MARK3: variants seen among roughly 807,000 people sequenced by gnomAD.
The protein encoded by MARK3 is microtubule affinity regulating kinase 3.
MARK3 carries 46 observed loss-of-function variants against 90.1 expected under a neutral mutation model. That is an observed-to-expected ratio of 0.51 (90% CI 0.40 to 0.65). The LOEUF is 0.65. MARK3 is among the 30% of genes least tolerant of loss of function. The pLI is 0.00. For synonymous variants in MARK3, 321 were observed against 332.6 expected (o/e 0.97, Z 0.38); for missense variants, 818 against 947.2 (o/e 0.86, Z 1.79).
chr14:103,496,864 A>T (rs2075370582), intron 15 of MARK3, among the ~76,000 whole-genome samples: 1 of 151,166 alleles, frequency 6.6e-6, no homozygotes, highest in Non-Finnish European at 1.5e-5. Flanking sequence ...ACATAATGAG[A>T]CCCCCATCTC....
intron 1 of MARK3, among the ~76,000 whole-genome samples, chr14:103,399,272 T>C (rs1304917850): frequency 2.0e-5 from 3 of 152,232 alleles, no homozygotes; most frequent in Non-Finnish European, 2.9e-5. Flanking sequence ...AATTAAGAAC[T>C]AATATGTAAA....
chr14:103,392,871 C>A (rs2090347218), intron 1 of MARK3, among the ~76,000 whole-genome samples: 1 of 151,886 alleles, frequency 6.6e-6, no homozygotes, highest in African/African-American at 2.4e-5. Flanking sequence ...AGTGCAGTGG[C>A]ACGATCTCGC....
intron 1 of MARK3, among the ~76,000 whole-genome samples, chr14:103,401,327 G>A (rs1265367449): frequency 6.6e-6 from 1 of 152,082 alleles, no homozygotes; most frequent in African/African-American, 2.4e-5. Context: ...TGCTGTATGA[G>A]GAAATACAAG....
chr14:103,449,611 A>G (rs983319398), intron 4 of MARK3, among the ~76,000 whole-genome samples: 6 of 152,062 alleles, frequency 3.9e-5, no homozygotes, highest in South Asian at 2.1e-4. Context: ...TGTGTGCACA[A>G]CTCTGTGCTG....
Position 103,385,763 on chromosome 14 carries a change from C to A in MARK3, c.-267C>A, listed in dbSNP as rs569334532. The A allele has an allele frequency of 1.1e-5, 4 of 378,334 alleles. No homozygotes were observed. The highest frequency in any genetic ancestry group is 1.9e-5 in the Non-Finnish European group (4 of 213,150). The allele number at this position is 378,334 out of a possible 1,614,324, so 23.4% of individuals were successfully genotyped here. On this transcript the variant is annotated 5_prime_UTR_variant, in exon 1 of 18. Coordinates refer to ENST00000429436, the MANE Select transcript of MARK3 (RefSeq NM_001128918.3). ...GACGCCGGCGGGCCGAAGCGCAGCC[C>A]GCCGCCCGCAGGCTCGGCTCCGCCA...
At chr14:103,386,309 G>A (rs1317888502) in intron 1 of MARK3, 2 of 699,520 alleles carry the variant, frequency 2.9e-6, no homozygotes, top group African/African-American at 3.5e-5. Flanking sequence ...CAGTCTAGTC[G>A]GTTAATAAAG....
intron 2 of MARK3, among the ~76,000 whole-genome samples, chr14:103,419,315 T>A (rs2092104488): frequency 6.6e-6 from 1 of 151,800 alleles, no homozygotes; most frequent in Admixed American, 6.6e-5. Context: ...AAATAGAAAA[T>A]TGAGAACTCC....
At position 103,410,631 on chromosome 14, in the gene MARK3, G is replaced by C. The variant is rs1284325359; in HGVS notation, c.243+5364G>C. On this transcript the variant is annotated intron_variant, in intron 2 of 17. Coordinates refer to ENST00000429436, the MANE Select transcript of MARK3 (RefSeq NM_001128918.3). The stretch of plus-strand genomic sequence containing the variant: ...CAAGGAGGATCACTTGAGCCCAGGA[G>C]TACAAGACTGCATTGTGCTATGATT... Among the ~76,000 whole-genome samples, 8 of 152,300 alleles carry C rather than the reference G, an allele frequency of 5.3e-5. No individual in the cohort carries two copies. In the East Asian group the frequency reaches 1.5e-3, roughly 29 times the overall value.
At chr14:103,495,078 A>G (rs2075265654) in intron 15 of MARK3, among the ~76,000 whole-genome samples, 1 of 152,228 alleles carries the variant, frequency 6.6e-6, no homozygotes, top group Admixed American at 6.5e-5. Flanking sequence ...ACACATGTAC[A>G]AGTGTGCACA....
intron 15 of MARK3, among the ~76,000 whole-genome samples, chr14:103,496,742 T>C (rs866397047): frequency 2.6e-5 from 4 of 151,886 alleles, no homozygotes; most frequent in African/African-American, 9.7e-5. Context: ...AGAAAAAAAG[T>C]TGGGAAATGG....
chr14:103,495,412 G>A (rs1467175689), intron 15 of MARK3, among the ~76,000 whole-genome samples: 4 of 150,996 alleles, frequency 2.6e-5, no homozygotes, highest in East Asian at 3.9e-4. Context: ...CCCAGGAGGC[G>A]TAGGTTGCAG....
intron 7 of MARK3, among the ~76,000 whole-genome samples, chr14:103,464,148 C>T (rs1324110582): frequency 2.0e-5 from 3 of 152,156 alleles, no homozygotes; most frequent in Non-Finnish European, 4.4e-5. Flanking sequence ...TTATCATTCT[C>T]CTTCTTCCCT....
chr14:103,393,987 G>A (rs945008491), intron 1 of MARK3, among the ~76,000 whole-genome samples: 2 of 152,120 alleles, frequency 1.3e-5, no homozygotes, highest in Admixed American at 1.3e-4. Context: ...GCCTGCCTTG[G>A]CCTCCCAAAG....
At chr14:103,413,781 A>G (rs1049315322) in intron 2 of MARK3, among the ~76,000 whole-genome samples, 1 of 152,040 alleles carries the variant, frequency 6.6e-6, no homozygotes, top group African/African-American at 2.4e-5. Context: ...TGAGAATGTC[A>G]AATAAAATGG....
intron 15 of MARK3, among the ~76,000 whole-genome samples, chr14:103,498,062 T>C (rs144594930): frequency 6.6e-6 from 1 of 152,214 alleles, no homozygotes; most frequent in Non-Finnish European, 1.5e-5. Context: ...ACTGAAAATA[T>C]AGAAATTAAC....
At chr14:103,389,979 T>C (rs958376983) in intron 1 of MARK3, among the ~76,000 whole-genome samples, 9 of 124,784 alleles carry the variant, frequency 7.2e-5, no homozygotes, top group Non-Finnish European at 1.3e-4. Flanking sequence ...CCGGGCGCGG[T>C]GGCTCACACC....
chr14:103,399,763 G>A (rs7145753), intron 1 of MARK3, among the ~76,000 whole-genome samples: 51,602 of 149,722 alleles, frequency 0.34, 9,459 homozygotes, highest in East Asian at 0.52. Context: ...TCTAGCTTTG[G>A]ATCAGCAGTT....
chr14:103,500,269 A>G (rs2142146026), intron 17 of MARK3, 69 bp downstream of exon 17: 2 of 1,156,844 alleles, frequency 1.7e-6, no homozygotes, highest in South Asian at 2.9e-5. Context: ...AGAGGCGACT[A>G]TTTTCTGAAT....
At position 103,403,326 on chromosome 14, in the gene MARK3, TTGTGTGTGTGTGTGTGTGTG is replaced by T. The variant is rs59913493; in HGVS notation, c.52-1722_52-1703del. Among the ~76,000 whole-genome samples the T allele has an allele frequency of 2.4e-4, 33 of 138,544 alleles. 1 individual carries two copies. In the South Asian group the frequency reaches 3.3e-3, roughly 14 times the overall value. The allele number at this position is 138,544 out of a possible 152,430, so 90.9% of individuals were successfully genotyped here. A position where few individuals can be genotyped will look rare whatever the true frequency, so the allele number is the denominator to read the frequency against. Reference sequence around the variant, plus strand: ...TTACCACACCTTAAATAGTGCCTGGTTGTGTGTGTGTGTGTGTGTGTGTGTGTGTGTGTGTGTGTGTGTGT... The same window carrying T: ...TTACCACACCTTAAATAGTGCCTGGTTGTGTGTGTGTGTGTGTGTGTGTGT... On this transcript the variant is annotated intron_variant, in intron 1 of 17. Transcript: ENST00000429436.
Sources: gnomAD v4.1 joint callset for allele counts (sites outside exome capture counted in the v4.1 genomes callset) on GRCh38, gnomAD v4.1.1 for gene constraint, MANE v1.5 for transcripts, NCBI Gene and HGNC (gene_info 2026-07-23, HGNC 2026-07-21) for gene names.